LIPA: variants seen among roughly 807,000 people sequenced by gnomAD.
LIPA encodes the protein lysosomal acid lipase/cholesteryl ester hydrolase.
LIPA carries 26 observed loss-of-function variants against 40.6 expected under a neutral mutation model. That is an observed-to-expected ratio of 0.64 (90% confidence interval 0.47 to 0.89). The LOEUF is 0.89. LIPA is among the 40% of genes least tolerant of loss of function. The pLI is 0.00. For synonymous variants in LIPA, 188 were observed against 168.4 expected (o/e 1.12, Z -0.90); for missense variants, 455 against 479.6 (o/e 0.95, Z 0.48).
chr10:89,222,631 G>T, intron 7 of LIPA, 49 bp from the exon 8 acceptor site: 1 of 1,148,424 alleles, frequency 8.7e-7, no homozygotes, highest in Non-Finnish European at 1.3e-6. Context: ...CATTAAGGTG[G>T]CATTGATAAT....
intron 1 of LIPA, chr10:89,306,983 C>T (rs1241696887): frequency 1.2e-6 from 2 of 1,613,924 alleles, no homozygotes; most frequent in Non-Finnish European, 1.7e-6. Flanking sequence ...TCTTGCCAGC[C>T]TCCATGCTCT....
intron 1 of LIPA, among the ~76,000 whole-genome samples, chr10:89,267,479 A>C (rs1843242450): frequency 6.6e-6 from 1 of 151,414 alleles, no homozygotes. Context: ...TATCGCAAGA[A>C]CAAAAAACCA....
At position 89,278,454 on chromosome 10, in the gene LIPA, A is replaced by T. The variant is rs41284126; in HGVS notation, c.-1-30805T>A. 9.5e-3 allele frequency: 1,441 copies of T among 152,354 alleles called. 15 individuals carry two copies. Among genetic ancestry groups the T allele is most frequent in the Middle Eastern group, 0.024 (7 of 294 alleles). 9.4% of individuals were successfully genotyped at this position (152,354 alleles called of 1,614,324 possible). On this transcript the variant is annotated intron_variant, in intron 1 of 5. Coordinates refer to the LIPA transcript ENST00000282673. Reference sequence around the variant, plus strand: ...AACAGCGTGCAGTTTGCCAGGCACCATCCCTGAGGCTTTTCTTGGTTTAGC... The same window carrying T: ...AACAGCGTGCAGTTTGCCAGGCACCTTCCCTGAGGCTTTTCTTGGTTTAGC...
intron 1 of LIPA, among the ~76,000 whole-genome samples, chr10:89,264,704 G>A (rs1291398185): frequency 6.6e-6 from 1 of 152,232 alleles, no homozygotes; most frequent in Admixed American, 6.5e-5. Context: ...AAGGGAGGAA[G>A]TGTATGCTGA....
chr10:89,359,469 A>G (rs1260386529), intron 2 of LIPA, among the ~76,000 whole-genome samples: 2 of 152,200 alleles, frequency 1.3e-5, no homozygotes, highest in East Asian at 3.8e-4. Context: ...AGTGCTACAC[A>G]TGGGGTTGAC....
Position 89,224,777 on chromosome 10 carries a change from T to G in LIPA, c.675+315A>C, listed in dbSNP as rs542092543. 2.9e-4 allele frequency among the ~76,000 whole-genome samples: 44 copies of G among 152,316 alleles called. No homozygotes were observed. The South Asian group carries it at 4.8e-3, about 17-fold the overall frequency. On this transcript the variant is annotated intron_variant, in intron 6 of 9. Coordinates refer to ENST00000336233, the MANE Select transcript of LIPA (RefSeq NM_000235.4). ...ATCCTCTGTGCACAGGCTCACCTCA[T>G]GGGATAAAGGGCAACTCCACAAATG...
intron 2 of LIPA, among the ~76,000 whole-genome samples, chr10:89,363,976 C>T (rs1015925418): frequency 6.6e-6 from 1 of 152,154 alleles, no homozygotes; most frequent in Admixed American, 6.5e-5. Context: ...CTGTGCTGTC[C>T]TATGAGACAG....
At chr10:89,363,408 G>C (rs1844035204) in intron 2 of LIPA, 1 of 152,204 alleles carries the variant, frequency 6.6e-6, no homozygotes, top group Non-Finnish European at 1.5e-5. Flanking sequence ...AAAAGCTGTT[G>C]CAAGAGATTT....
intron 1 of LIPA, among the ~76,000 whole-genome samples, chr10:89,249,535 T>A (rs1843084092): frequency 6.6e-6 from 1 of 152,126 alleles, no homozygotes; most frequent in Non-Finnish European, 1.5e-5. Context: ...GGATAAATTA[T>A]GGTATATACC....
intron 3 of LIPA, among the ~76,000 whole-genome samples, chr10:89,238,618 C>T (rs1589566361): frequency 6.6e-6 from 1 of 152,198 alleles, no homozygotes; most frequent in Non-Finnish European, 1.5e-5. Context: ...AGACCAACTC[C>T]TCCTCTTCCT....
chr10:89,393,019 T>TGA, intron 2 of LIPA: 1 of 791,350 alleles, frequency 1.3e-6, no homozygotes, highest in South Asian at 1.8e-5. Flanking sequence ...GATCCCAATC[T>TGA]GAGAGATTCT....
intron 1 of LIPA, among the ~76,000 whole-genome samples, chr10:89,292,958 A>C (rs1033442691): frequency 1.3e-5 from 2 of 152,050 alleles, no homozygotes; most frequent in Admixed American, 6.6e-5. Flanking sequence ...CACAATTCTC[A>C]TTTTAAAAAT....
chr10:89,389,675 C>T (rs1309859607), intron 2 of LIPA, among the ~76,000 whole-genome samples: 1 of 152,166 alleles, frequency 6.6e-6, no homozygotes, highest in African/African-American at 2.4e-5. Flanking sequence ...TAGCATTTGT[C>T]CATATTATCA....
chr10:89,412,782 C>T (rs766302291), intron 2 of LIPA: 12 of 422,160 alleles, frequency 2.8e-5, no homozygotes, highest in African/African-American at 1.0e-4. Context: ...AGCAAGACCA[C>T]GAACTCACCA....
chr10:89,253,028 A>AGTAC (rs1843152630), upstream of LIPA, among the ~76,000 whole-genome samples: 1 of 152,118 alleles, frequency 6.6e-6, no homozygotes, highest in Admixed American at 6.5e-5. Flanking sequence ...GCTAAAACAG[A>AGTAC]ATGTACATAG....
chr10:89,261,749 C>T (rs1843210663), intron 1 of LIPA, among the ~76,000 whole-genome samples: 1 of 152,130 alleles, frequency 6.6e-6, no homozygotes. Context: ...CTTATTCTTC[C>T]TTGTTCAGAC....
intron 9 of LIPA, 33 bp from the exon 10 acceptor site, chr10:89,215,094 T>C: frequency 6.9e-7 from 1 of 1,457,316 alleles, no homozygotes; most frequent in Non-Finnish European, 9.6e-7. Flanking sequence ...AAAGCCTCGT[T>C]GTTGTTGTTG....
chr10:89,228,145 T>C, intron 4 of LIPA, 55 bp downstream of exon 4: 2 of 1,472,732 alleles, frequency 1.4e-6, no homozygotes, highest in Non-Finnish European at 1.9e-6. Context: ...AAGCCTGTTG[T>C]CTGCTTTAAG....
intron 2 of LIPA, among the ~76,000 whole-genome samples, chr10:89,378,997 T>C (rs1251232993): frequency 6.6e-6 from 1 of 152,210 alleles, no homozygotes; most frequent in Non-Finnish European, 1.5e-5. Context: ...GGCAAGAGCA[T>C]TGAGATCCTT....
Sources: allele counts gnomAD v4.1 joint callset (sites outside exome capture counted in the v4.1 genomes callset), GRCh38; gene constraint gnomAD v4.1.1; transcripts MANE v1.5; gene names NCBI Gene and HGNC (gene_info 2026-07-23, HGNC 2026-07-21).